PMPCA: variants seen among roughly 807,000 people sequenced by gnomAD.
PMPCA encodes peptidase, mitochondrial processing subunit alpha.
Under a neutral mutation model 59.3 loss-of-function variants are expected in PMPCA, and 47 were observed. The ratio of observed to expected loss-of-function variants is 0.79; its 90% CI spans 0.63 to 1.01. The LOEUF is 1.01. Among genes scored for constraint, PMPCA ranks in the 50% least tolerant of loss-of-function variants. The pLI is 0.00. For missense variants in PMPCA, 726 were observed against 704.5 expected (o/e 1.03, Z -0.34); for synonymous variants, 338 against 290.3 (o/e 1.16, Z -1.67).
intron 11 of PMPCA, 30 bp from the exon 12 acceptor site, chr9:136,421,802 T>C: frequency 6.4e-7 from 1 of 1,554,930 alleles, no homozygotes. Context: ...GGGGCGGGTG[T>C]GTGCTCACCT....
intron 12 of PMPCA, 162 bp downstream of exon 12, chr9:136,422,138 G>T: frequency 6.5e-7 from 1 of 1,543,026 alleles, no homozygotes; most frequent in Middle Eastern, 1.7e-4. Flanking sequence ...CCAAGGGCAG[G>T]GTCGTGGGGT....
At chr9:136,415,703 G>T (rs1051264048) in intron 5 of PMPCA, among the ~76,000 whole-genome samples, 6 of 152,196 alleles carry the variant, frequency 3.9e-5, no homozygotes, top group Non-Finnish European at 7.3e-5. Context: ...CGCGATCTCG[G>T]CTCACTGCAA....
chr9:136,412,012 G>C lies in PMPCA; in HGVS notation c.87G>C (p.Ala29=). The C allele has an allele frequency of 6.2e-7, 1 of 1,610,752 alleles. No homozygotes were observed. Among genetic ancestry groups the C allele is most frequent in the South Asian group, 1.1e-5 (1 of 90,986 alleles). ...TCTGTTTTAGGTTTGGACCTCCTGC[G>C]TACAGACGGTTTAGTAGTGGTGGTG... is the stretch of plus-strand genomic sequence containing the variant. ...GCSRLRFGPP[A]YRRFSSGGAY... is the part of the protein sequence containing the mutation. The change falls in exon 2 of 13, where the codon GCG becomes GCC. Residue 29 remains alanine, a synonymous_variant. Coordinates refer to ENST00000371717, the MANE Select transcript of PMPCA (RefSeq NM_015160.3).
Position 136,423,133 on chromosome 9 carries a change from A to T in PMPCA, c.1447A>T (p.Lys483Ter). 1 of 1,613,586 alleles carries T rather than the reference A, an allele frequency of 6.2e-7. No individual in the cohort carries two copies. Among genetic ancestry groups the T allele is most frequent in the Non-Finnish European group, 8.5e-7 (1 of 1,179,968 alleles). ...GGAAGATGTGAAGAGAGTCGCTTCT[A>T]AGATGCTCCGAGGGAAGCCGGCAGT... ...KPEDVKRVAS[K>*]MLRGKPAVAA... The change falls in exon 13 of 13, where the codon AAG becomes TAG. Residue 483 changes from lysine to a stop codon, truncating the protein, a stop_gained. Coordinates refer to ENST00000371717, the MANE Select transcript of PMPCA (RefSeq NM_015160.3). LOFTEE classifies it high-confidence loss of function.
At position 136,421,945 on chromosome 9, in the gene PMPCA, A is replaced by T. The variant is rs1588823915; in HGVS notation, c.1377A>T (p.Arg459Ser). ...GGCAGGTGCTGGCCACTCGCTCCAG[A>T]AAGCTGCCGCACGAGCTGTGCACGC... Reference protein sequence around the residue: ...VGRQVLATRSRKLPHELCTLI... With the variant: ...VGRQVLATRSSKLPHELCTLI... The change falls in exon 12 of 13, where the codon AGA becomes AGT. Residue 459 changes from arginine (R) to serine (S), a missense_variant. By Grantham distance (110) the Arg-to-Ser change is moderately radical. Transcript: ENST00000371717. The T allele has an allele frequency of 1.9e-6, 3 of 1,613,044 alleles. No homozygotes were observed. The East Asian group carries it at 6.7e-5, about 36-fold the overall frequency.
chr9:136,416,260 A>T (rs1411636820), intron 5 of PMPCA, 31 bp from the exon 6 acceptor site: 1 of 1,514,612 alleles, frequency 6.6e-7, no homozygotes, highest in Non-Finnish European at 9.2e-7. Context: ...GCCTGTGCAG[A>T]CTCAGCCCTG....
Position 136,416,411 on chromosome 9 carries a change from A to ATGCGGGGGC in PMPCA, c.633+20_633+21insTGCGGGGGC. 2 of 1,548,482 alleles carry ATGCGGGGGC rather than the reference A, an allele frequency of 1.3e-6. No homozygotes were observed. Among genetic ancestry groups the ATGCGGGGGC allele is most frequent in the Non-Finnish European group, 1.8e-6 (2 of 1,120,522 alleles). On this transcript the variant is annotated intron_variant, in intron 6 of 12. Coordinates refer to ENST00000371717, the MANE Select transcript of PMPCA (RefSeq NM_015160.3). ...CATGAAGTAAAATGTCAAACTCGAGAATGCCCCCGCATCTCGAACAGTGGT... is the reference window on the plus strand; with the variant it reads ...CATGAAGTAAAATGTCAAACTCGAGATGCGGGGGCATGCCCCCGCATCTCGAACAGTGGT...
chr9:136,421,667 C>T (rs1310052470), intron 11 of PMPCA, among the ~76,000 whole-genome samples, 165 bp from the exon 12 acceptor site: 2 of 152,190 alleles, frequency 1.3e-5, no homozygotes, highest in East Asian at 1.9e-4. Context: ...CTGCCTCAGC[C>T]TCCCAAAGAG....
rs533608447 is a variant in PMPCA, at chr9:136,411,104, G to A, written c.71+365G>A. On this transcript the variant is annotated intron_variant, in intron 1 of 12. Coordinates refer to ENST00000371717, the MANE Select transcript of PMPCA (RefSeq NM_015160.3). ...TTAGACCCGCAGGGTTCTGACACCA[G>A]GGTCCAGGCTCTCGGTTGCTGCGGT... 102 of 241,432 alleles carry A rather than the reference G, an allele frequency of 4.2e-4. 1 individual carries two copies. Among genetic ancestry groups the A allele is most frequent in the Middle Eastern group, 3.6e-3 (3 of 824 alleles). 15.0% of individuals were successfully genotyped at this position (241,432 alleles called of 1,614,324 possible). A position where few individuals can be genotyped will look rare whatever the true frequency, so the allele number is the denominator to read the frequency against.
Position 136,423,191 on chromosome 9 carries a change from C to T in PMPCA, c.1505C>T (p.Thr502Met), listed in dbSNP as rs1490474361. The T allele has an allele frequency of 5.6e-6, 9 of 1,613,794 alleles. No homozygotes were observed. The highest frequency in any genetic ancestry group is 4.4e-5 in the South Asian group (4 of 91,088). The change falls in exon 13 of 13, where the codon ACG becomes ATG. Residue 502 changes from threonine (T) to methionine (M), a missense_variant. Coordinates refer to ENST00000371717, the MANE Select transcript of PMPCA (RefSeq NM_015160.3). ...AALGDLTDLPTYEHIQTALSS... is the reference protein window; with the variant it reads ...AALGDLTDLPMYEHIQTALSS... ...CTGGGTGACCTGACTGACCTGCCCACGTATGAGCACATCCAGACCGCCCTG... is the reference window on the plus strand; with the variant it reads ...CTGGGTGACCTGACTGACCTGCCCATGTATGAGCACATCCAGACCGCCCTG...
At chr9:136,412,600 T>A in intron 3 of PMPCA, 31 bp downstream of exon 3, 1 of 1,159,880 alleles carries the variant, frequency 8.6e-7, no homozygotes, top group Non-Finnish European at 1.3e-6. Flanking sequence ...TTTTTTAGAC[T>A]ATACTTTTGA....
intron 11 of PMPCA, chr9:136,419,414 T>C (rs1835383759): frequency 2.0e-6 from 1 of 506,966 alleles, no homozygotes; most frequent in East Asian, 3.5e-5. Context: ...ACTGACCATG[T>C]GACTCTCTCA....
At chr9:136,422,264 G>A (rs750226539) in intron 12 of PMPCA, 73 of 1,338,652 alleles carry the variant, frequency 5.5e-5, no homozygotes, top group South Asian at 2.5e-4. Context: ...TTGTTAAAGA[G>A]CACTCAAGTT....
chr9:136,421,404 GTTTTT>G (rs57128281), intron 11 of PMPCA, among the ~76,000 whole-genome samples: 72 of 117,982 alleles, frequency 6.1e-4, no homozygotes, highest in Admixed American at 1.1e-3. Context: ...CTGGGTTCCC[GTTTTT>G]TTTTTTTTTT....
In PMPCA at chr9:136,418,881, GC is replaced by G; in HGVS notation, c.1165del (p.Leu389SerfsTer17). The G allele has an allele frequency of 2.5e-6, 4 of 1,613,662 alleles. No homozygotes were observed. Among genetic ancestry groups the G allele is most frequent in the Non-Finnish European group, 3.4e-6 (4 of 1,179,974 alleles). On this transcript the variant is annotated frameshift_variant, in exon 10 of 13. Coordinates refer to ENST00000371717, the MANE Select transcript of PMPCA (RefSeq NM_015160.3). LOFTEE classifies it high-confidence loss of function. ...TACCACCACAGCTACGAGGACACTG[GC>G]CTCCTTTGCATCCATGCCAGCGCCG... is the stretch of plus-strand genomic sequence containing the variant. ...TSYHHSYEDT[G>X]LLCIHASADP...
At chr9:136,419,783 A>G (rs1835396309) in intron 11 of PMPCA, 1 of 153,388 alleles carries the variant, frequency 6.5e-6, no homozygotes, top group East Asian at 2.0e-4. Context: ...GGGTTTCGCC[A>G]TGTTGGCCAG....
In PMPCA at chr9:136,415,064, G is replaced by C. The variant is rs144992823; in HGVS notation, c.532+417G>C. ...GATTGTGCCACTGCCCTCCAGCCTG[G>C]GCAACAGAGTGAGGCTTTGTCTCAA... On this transcript the variant is annotated intron_variant, in intron 5 of 12. Coordinates refer to ENST00000371717, the MANE Select transcript of PMPCA (RefSeq NM_015160.3). Among the ~76,000 whole-genome samples, 45 of 152,304 alleles carry C rather than the reference G, an allele frequency of 3.0e-4. No homozygotes were observed. In the East Asian group the frequency reaches 4.8e-3, roughly 16 times the overall value.
rs141168279 is a variant in PMPCA, at chr9:136,412,069, A to G, written c.144A>G (p.Leu48=). ...CCAACATCCCCCTCTCTTCTCCCTT[A>G]CCTGGAGTACCCAAGCCTGTTTTTG... ...AYPNIPLSSP[L]PGVPKPVFAT... The change falls in exon 2 of 13, where the codon TTA becomes TTG. Residue 48 remains leucine, a synonymous_variant. Transcript: ENST00000371717. The G allele has an allele frequency of 1.1e-4, 177 of 1,613,174 alleles. 1 individual carries two copies. The African/African-American group carries it at 2.1e-3, about 19-fold the overall frequency.
In PMPCA at chr9:136,410,748, A is replaced by G; in HGVS notation, c.71+9A>G. 7.1e-7 allele frequency: 1 copy of G among 1,404,200 alleles called. No homozygotes were observed. Among genetic ancestry groups the G allele is most frequent in the Non-Finnish European group, 9.2e-7 (1 of 1,084,424 alleles). 87.0% of individuals were successfully genotyped at this position (1,404,200 alleles called of 1,614,324 possible). On this transcript the variant is annotated intron_variant, in intron 1 of 12. Coordinates refer to ENST00000371717, the MANE Select transcript of PMPCA (RefSeq NM_015160.3). ...GGCTGTTCGCGGCTGAGGTGAGCCA[A>G]AGGCGAACCAGGCTTCGGCCTGGGG...
Sources: allele counts gnomAD v4.1 joint callset (sites outside exome capture counted in the v4.1 genomes callset), GRCh38; gene constraint gnomAD v4.1.1; transcripts MANE v1.5; gene names NCBI Gene and HGNC (gene_info 2026-07-23, HGNC 2026-07-21).